Variants in YBX3 observed in about 807,000 individuals in gnomAD.
YBX3 encodes Y-box-binding protein 3.
In YBX3, 29 loss-of-function variants were observed where a neutral mutation model predicts 42.4. The ratio of observed to expected loss-of-function variants is 0.68; its 90% CI spans 0.51 to 0.93. YBX3 has a LOEUF of 0.93. YBX3 is among the 40% of genes least tolerant of loss of function. YBX3 has a pLI of 0.00. For synonymous variants in YBX3, 195 were observed against 189.8 expected, an observed-to-expected ratio of 1.03 and a Z score of -0.22; for missense variants, 517 against 527.5, an observed-to-expected ratio of 0.98 and a Z score of 0.19.
chr12:10,708,738 A>G (rs1205489811), intron 6 of YBX3, among the ~76,000 whole-genome samples: 1 of 152,254 alleles, frequency 6.6e-6, no homozygotes, highest in Non-Finnish European at 1.5e-5. Context: ...TTTACGTGGC[A>G]CTAAGGAACG....
chr12:10,721,411 C>T (rs1167738220), intron 1 of YBX3, among the ~76,000 whole-genome samples: 1 of 152,194 alleles, frequency 6.6e-6, no homozygotes, highest in East Asian at 1.9e-4. Context: ...AATAAGGTAT[C>T]ATTAACAATG....
In YBX3 at chr12:10,721,489, G is replaced by T. The variant is rs117946080; in HGVS notation, c.262+1361C>A. 3.0e-4 allele frequency among the ~76,000 whole-genome samples: 46 copies of T among 152,282 alleles called. No homozygotes were observed. The East Asian group carries it at 7.1e-3, about 24-fold the overall frequency. The stretch of plus-strand genomic sequence containing the variant: ...AGACATCTGGCAGAAAGTGTTCCAA[G>T]AAATATTTGCTAGAAACAACATCAC... On this transcript the variant is annotated intron_variant, in intron 1 of 9. Transcript: ENST00000228251.
At chr12:10,719,770 G>C (rs936724712) in intron 1 of YBX3, among the ~76,000 whole-genome samples, 6 of 152,146 alleles carry the variant, frequency 3.9e-5, no homozygotes, top group African/African-American at 1.4e-4. Flanking sequence ...ATTTGGGCTT[G>C]TTTCTTTGTT....
intron 1 of YBX3, 29 bp from the exon 2 acceptor site, chr12:10,719,172 T>C (rs777966964): frequency 1.3e-6 from 2 of 1,586,254 alleles, no homozygotes; most frequent in Admixed American, 3.4e-5. Context: ...GATAAATTAG[T>C]ATCTGACCTA....
At chr12:10,704,641 CT>C (rs35718202) in intron 6 of YBX3, among the ~76,000 whole-genome samples, 46,412 of 152,036 alleles carry the variant, frequency 0.31, 8,551 homozygotes, top group Non-Finnish European at 0.43. Context: ...CTTCCTCCCC[CT>C]AAGAGCCAAA....
chr12:10,710,804 G>C (rs1948191766), intron 5 of YBX3: 1 of 246,194 alleles, frequency 4.1e-6, no homozygotes, highest in Non-Finnish European at 8.5e-6. Flanking sequence ...AAAGTATAAA[G>C]CAATACCACT....
chr12:10,717,965 T>A, intron 3 of YBX3, 123 bp downstream of exon 3: 1 of 780,614 alleles, frequency 1.3e-6, no homozygotes, highest in Admixed American at 3.3e-5. Flanking sequence ...TGTTGCAAAA[T>A]AAATCACAGA....
At chr12:10,716,217 C>T (rs550560298) in intron 3 of YBX3, 2 of 170,234 alleles carry the variant, frequency 1.2e-5, no homozygotes, top group South Asian at 3.0e-4. Context: ...GACGAGTAAA[C>T]AAAATTATCT....
chr12:10,703,283 T>C (rs1266269994), intron 7 of YBX3: 2 of 152,460 alleles, frequency 1.3e-5, no homozygotes, highest in Admixed American at 1.3e-4. Flanking sequence ...GAAGAAGTTG[T>C]AGCTTTTCCA....
intron 9 of YBX3, among the ~76,000 whole-genome samples, chr12:10,700,332 G>T (rs1201678939): frequency 6.6e-6 from 1 of 152,096 alleles, no homozygotes; most frequent in African/African-American, 2.4e-5. Context: ...CTTCATTGAT[G>T]AAATTTTAAC....
chr12:10,706,415 C>T (rs1948137628), intron 6 of YBX3, among the ~76,000 whole-genome samples: 1 of 152,210 alleles, frequency 6.6e-6, no homozygotes, highest in African/African-American at 2.4e-5. Flanking sequence ...TCTTCCCGCC[C>T]TTTGCTGTTT....
At chr12:10,715,055 G>C (rs1174535454) in intron 4 of YBX3, among the ~76,000 whole-genome samples, 1 of 151,868 alleles carries the variant, frequency 6.6e-6, no homozygotes, top group Non-Finnish European at 1.5e-5. Flanking sequence ...CAGCTGCAAA[G>C]CACTTTTAAT....
At chr12:10,711,741 A>G (rs1476180457) in intron 5 of YBX3, 1 of 152,194 alleles carries the variant, frequency 6.6e-6, no homozygotes, top group Non-Finnish European at 1.5e-5. Flanking sequence ...AGTTTTAACA[A>G]TTTTGTTTCT....
chr12:10,717,439 T>C (rs1335311675), intron 3 of YBX3, among the ~76,000 whole-genome samples: 1 of 152,170 alleles, frequency 6.6e-6, no homozygotes, highest in Non-Finnish European at 1.5e-5. Context: ...TAGGACATAT[T>C]AATAACAGAA....
intron 1 of YBX3, chr12:10,722,191 G>A (rs1304365070): frequency 6.6e-6 from 1 of 152,318 alleles, no homozygotes; most frequent in Non-Finnish European, 1.5e-5. Flanking sequence ...ACAGAGAGGG[G>A]GAGGAAGACG....
At chr12:10,715,629 G>A (rs1344922235) in intron 4 of YBX3, 65 bp downstream of exon 4, 3 of 1,375,080 alleles carry the variant, frequency 2.2e-6, no homozygotes, top group Non-Finnish European at 3.1e-6. Flanking sequence ...GGGGCTGATA[G>A]ATAATTTATT....
intron 6 of YBX3, 32 bp from the exon 7 acceptor site, chr12:10,704,180 T>C (rs1244675849): frequency 6.3e-7 from 1 of 1,586,506 alleles, no homozygotes; most frequent in African/African-American, 1.3e-5. Flanking sequence ...ACAGTGAGTG[T>C]CACAGCACAG....
intron 9 of YBX3, among the ~76,000 whole-genome samples, chr12:10,700,545 A>G (rs978625589): frequency 2.6e-5 from 4 of 152,250 alleles, no homozygotes; most frequent in African/African-American, 7.2e-5. Flanking sequence ...AAGACCTTTA[A>G]AAGACAGAAA....
chr12:10,704,371 CA>C (rs1948114811), intron 6 of YBX3: 1 of 399,720 alleles, frequency 2.5e-6, no homozygotes, highest in Non-Finnish European at 4.4e-6. Context: ...TGCTTAGTCC[CA>C]GAGCACCTAA....
Sources: allele counts gnomAD v4.1 joint callset (sites outside exome capture counted in the v4.1 genomes callset), GRCh38; gene constraint gnomAD v4.1.1; transcripts MANE v1.5; gene names NCBI Gene and HGNC (gene_info 2026-07-23, HGNC 2026-07-21).